The following TTYH2 variants were observed in gnomAD, a reference collection of about 807,000 sequenced individuals.
TTYH2 encodes the protein tweety family member 2, also known as protein tweety homolog 2.
TTYH2 carries 49 observed loss-of-function variants against 68.3 expected under a neutral mutation model. The observed-to-expected ratio is 0.72, with a 90% CI of 0.57 to 0.91. The LOEUF (loss-of-function observed/expected upper bound fraction) is 0.91, where lower values mean the gene tolerates loss of function less well. Among genes scored for constraint, TTYH2 ranks in the 40% least tolerant of loss-of-function variants. The pLI is 0.00. For synonymous variants in TTYH2, 272 were observed against 300.8 expected (o/e 0.90, Z 0.99); for missense variants, 631 against 700.4 (o/e 0.90, Z 1.12).
chr17:74,235,855 C>T lies in TTYH2; in HGVS notation c.415-1439C>T, dbSNP rs574266237. ...GTTGCAGTGAGCCAAGATTGCACCA[C>T]TGCACTCCAGCCTGGGTGACACAGA... is the stretch of plus-strand genomic sequence containing the variant. On this transcript the variant is annotated intron_variant, in intron 3 of 13. Coordinates refer to ENST00000269346, the MANE Select transcript of TTYH2 (RefSeq NM_032646.6). 6.7e-5 allele frequency among the ~76,000 whole-genome samples: 10 copies of T among 148,708 alleles called. No homozygotes were observed. In the South Asian group the frequency reaches 1.1e-3, roughly 16 times the overall value.
chr17:74,248,801 G>A (rs1292976542), intron 6 of TTYH2: 18 of 1,418,402 alleles, frequency 1.3e-5, no homozygotes, highest in South Asian at 9.2e-5. Context: ...TGAGGCAACC[G>A]GGGCACAGGA....
chr17:74,249,485 G>A (rs2143771612), intron 8 of TTYH2, 86 bp downstream of exon 8: 1 of 1,468,806 alleles, frequency 6.8e-7, no homozygotes, highest in Non-Finnish European at 9.4e-7. Flanking sequence ...GATGGCGGAG[G>A]TGGCAGGGCC....
At position 74,215,965 on chromosome 17, in the gene TTYH2, G is replaced by T. The variant is rs1354335819; in HGVS notation, c.129+2249G>T. On this transcript the variant is annotated intron_variant, in intron 1 of 13. Transcript: ENST00000269346. The surrounding 1 kb of genome is among the most constrained non-coding windows in gnomAD (Gnocchi z 4.3). The stretch of plus-strand genomic sequence containing the variant: ...CAGACACCAAGCAGTTTGAGGTGGG[G>T]CTCTGCCCTCCAGTTGGCTGGGGTG... Among the ~76,000 whole-genome samples, 1 of 152,234 alleles carries T rather than the reference G, an allele frequency of 6.6e-6. No individual in the cohort carries two copies. The highest frequency in any genetic ancestry group is 1.5e-5 in the Non-Finnish European group (1 of 68,046).
At chr17:74,251,271 G>T (rs1191176022) in intron 10 of TTYH2, among the ~76,000 whole-genome samples, 1 of 150,732 alleles carries the variant, frequency 6.6e-6, no homozygotes. Context: ...TGTGTGGTGT[G>T]TGCATGTCTG....
intron 13 of TTYH2, among the ~76,000 whole-genome samples, chr17:74,254,311 G>A (rs568077522): frequency 6.6e-6 from 1 of 152,232 alleles, no homozygotes; most frequent in African/African-American, 2.4e-5. Flanking sequence ...GGGACTACAG[G>A]TGCGTGCCAC....
chr17:74,253,023 G>A, intron 11 of TTYH2, 58 bp from the exon 12 acceptor site: 1 of 1,579,666 alleles, frequency 6.3e-7, no homozygotes, highest in Non-Finnish European at 8.7e-7. Flanking sequence ...ACAGGACCTG[G>A]CTGCCTCGGA....
At chr17:74,218,441 G>C (rs1247438621) in intron 1 of TTYH2, among the ~76,000 whole-genome samples, 1 of 151,900 alleles carries the variant, frequency 6.6e-6, no homozygotes, top group Non-Finnish European at 1.5e-5. Flanking sequence ...GGGAGGCCAA[G>C]GAAGGAGGAT....
At chr17:74,230,256 C>CT (rs2050374245) in intron 2 of TTYH2, among the ~76,000 whole-genome samples, 8 of 108,800 alleles carry the variant, frequency 7.4e-5, no homozygotes, top group African/African-American at 4.5e-4. Flanking sequence ...GTCATTTTTT[C>CT]ATTTTTTTTT....
intron 6 of TTYH2, among the ~76,000 whole-genome samples, chr17:74,245,636 T>C (rs1427598875): frequency 6.6e-6 from 1 of 152,242 alleles, no homozygotes; most frequent in African/African-American, 2.4e-5. Flanking sequence ...GCCATTTCCC[T>C]AATTCCTCTA....
intron 3 of TTYH2, among the ~76,000 whole-genome samples, chr17:74,235,235 G>A (rs1468371020): frequency 2.0e-5 from 3 of 152,212 alleles, no homozygotes; most frequent in Non-Finnish European, 2.9e-5. Context: ...AGAGAACACC[G>A]TTGGCCTCCG....
chr17:74,244,207 G>A (rs887469529), intron 6 of TTYH2, 158 bp downstream of exon 6: 26 of 659,984 alleles, frequency 3.9e-5, no homozygotes, highest in Middle Eastern at 2.6e-4. Context: ...GGCCCCTCTC[G>A]TTACAGATGG....
intron 6 of TTYH2, 56 bp from the exon 7 acceptor site, chr17:74,248,955 C>T: frequency 1.2e-6 from 2 of 1,611,480 alleles, no homozygotes; most frequent in Non-Finnish European, 1.7e-6. Flanking sequence ...CCTCCCAGGG[C>T]CCCGCTGTCC....
chr17:74,259,013 G>C (rs994465614), intron 13 of TTYH2, among the ~76,000 whole-genome samples: 1 of 151,788 alleles, frequency 6.6e-6, no homozygotes, highest in African/African-American at 2.4e-5. Context: ...AGGTCCTGTG[G>C]ACAAGATCCC....
intron 1 of TTYH2, among the ~76,000 whole-genome samples, chr17:74,219,071 G>C (rs901271358): frequency 1.3e-5 from 2 of 152,144 alleles, no homozygotes; most frequent in African/African-American, 4.8e-5. Context: ...AAAAAAATTA[G>C]CTGAGCATGG....
intron 2 of TTYH2, among the ~76,000 whole-genome samples, chr17:74,227,229 C>G (rs1308830037): frequency 1.3e-5 from 2 of 152,226 alleles, no homozygotes; most frequent in African/African-American, 4.8e-5. Flanking sequence ...CCTGCCTCAG[C>G]CTCCCAAAGT....
intron 6 of TTYH2, chr17:74,248,088 G>A (rs973928517): frequency 1.2e-5 from 2 of 162,002 alleles, no homozygotes; most frequent in Non-Finnish European, 2.6e-5. Context: ...TGAGGCAGTG[G>A]CTCCTGAAGG....
intron 4 of TTYH2, among the ~76,000 whole-genome samples, chr17:74,242,111 A>G (rs928472113): frequency 6.6e-6 from 1 of 152,138 alleles, no homozygotes; most frequent in Admixed American, 6.5e-5. Context: ...CCCTCTACAG[A>G]TATGGAAACC....
intron 1 of TTYH2, among the ~76,000 whole-genome samples, chr17:74,216,555 G>A (rs1247321847): frequency 6.6e-6 from 1 of 152,214 alleles, no homozygotes; most frequent in Non-Finnish European, 1.5e-5. Flanking sequence ...GTGTTTGGGA[G>A]CCGTGAAAGC....
Position 74,243,484 on chromosome 17 carries a change from C to A in TTYH2, c.731+15C>A. Reference sequence around the variant, plus strand: ...CTCCTGGCCTCGTGAGTATCCCTACCCGTGGACCTGGGACAAAGAGCTGGG... The same window carrying A: ...CTCCTGGCCTCGTGAGTATCCCTACACGTGGACCTGGGACAAAGAGCTGGG... On this transcript the variant is annotated intron_variant, in intron 5 of 13. Coordinates refer to ENST00000269346, the MANE Select transcript of TTYH2 (RefSeq NM_032646.6). 1 of 1,612,780 alleles carries A rather than the reference C, an allele frequency of 6.2e-7. No homozygotes were observed. The highest frequency in any genetic ancestry group is 8.5e-7 in the Non-Finnish European group (1 of 1,178,740).
Sources: allele counts gnomAD v4.1 joint callset (sites outside exome capture counted in the v4.1 genomes callset), GRCh38; gene constraint gnomAD v4.1.1; non-coding constraint Gnocchi (gnomAD v3.1); transcripts MANE v1.5; gene names NCBI Gene and HGNC (gene_info 2026-07-23, HGNC 2026-07-21).